The following ARHGAP10 variants were observed in gnomAD, a reference collection of about 807,000 sequenced individuals.
ARHGAP10 encodes Rho GTPase activating protein 10, also known as rho GTPase-activating protein 10.
In ARHGAP10, 87 loss-of-function variants were observed where a neutral mutation model predicts 108.6. That is an observed-to-expected ratio of 0.80 (90% CI 0.67 to 0.96). The LOEUF is 0.96. Among genes scored for constraint, ARHGAP10 ranks in the 40% least tolerant of loss-of-function variants. The pLI, the probability that ARHGAP10 is intolerant of heterozygous loss-of-function variation, is 0.00. For missense variants in ARHGAP10, 939 were observed against 954.5 expected (o/e 0.98, Z 0.21); for synonymous variants, 347 against 341.1 (o/e 1.02, Z -0.19).
At chr4:148,044,400 T>G (rs1728785585) in intron 19 of ARHGAP10, among the ~76,000 whole-genome samples, 2 of 152,164 alleles carry the variant, frequency 1.3e-5, no homozygotes, top group Non-Finnish European at 2.9e-5. Context: ...TGCCATGTCA[T>G]GCCTTGCCCA....
intron 13 of ARHGAP10, among the ~76,000 whole-genome samples, chr4:147,919,440 CTAA>C (rs751822989): frequency 1.9e-4 from 29 of 152,304 alleles, no homozygotes; most frequent in Non-Finnish European, 3.8e-4. Flanking sequence ...CAAATATTTG[CTAA>C]TAATACATAC....
chr4:147,869,420 G>A (rs1282934390), intron 7 of ARHGAP10, among the ~76,000 whole-genome samples: 1 of 152,134 alleles, frequency 6.6e-6, no homozygotes, highest in East Asian at 1.9e-4. Context: ...ATGGGAATGA[G>A]CAATATTCTG....
intron 10 of ARHGAP10, among the ~76,000 whole-genome samples, chr4:147,883,946 T>C (rs7660425): frequency 0.053 from 8,047 of 152,148 alleles, 706 homozygotes; most frequent in African/African-American, 0.18. Context: ...CCACCTGCCT[T>C]GGCCTCCCAA....
chr4:147,751,889 T>G (rs924874813), intron 1 of ARHGAP10, among the ~76,000 whole-genome samples: 1 of 146,880 alleles, frequency 6.8e-6, no homozygotes, highest in African/African-American at 2.7e-5. Flanking sequence ...TTTAGTTTTT[T>G]TTTTTTTTTT....
At chr4:147,766,713 A>G (rs1395667746) in intron 1 of ARHGAP10, among the ~76,000 whole-genome samples, 1 of 145,986 alleles carries the variant, frequency 6.8e-6, no homozygotes, top group Non-Finnish European at 1.5e-5. Context: ...ATCTCAAAAA[A>G]TATATATAAT....
In ARHGAP10 at chr4:148,043,768, A is replaced by G. The variant is rs184666948; in HGVS notation, c.1868-3124A>G. On this transcript the variant is annotated intron_variant, in intron 19 of 22. Transcript: ENST00000336498. ...TATGTATATATGTATATATATGTGT[A>G]TATATATGTATATATATATGTATAT... is the stretch of plus-strand genomic sequence containing the variant. Among the ~76,000 whole-genome samples, 1,030 of 145,344 alleles carry G rather than the reference A, an allele frequency of 7.1e-3. 13 individuals are homozygous for G. The highest frequency in any genetic ancestry group is 0.025 in the African/African-American group (985 of 39,786).
chr4:147,905,217 G>A, intron 10 of ARHGAP10, among the ~76,000 whole-genome samples: 1 of 152,018 alleles, frequency 6.6e-6, no homozygotes, highest in South Asian at 2.1e-4. Flanking sequence ...CTTTTGCTGT[G>A]CAGAAGCTCT....
At chr4:148,070,598 A>G (rs905352163) in intron 22 of ARHGAP10, among the ~76,000 whole-genome samples, 1 of 152,200 alleles carries the variant, frequency 6.6e-6, no homozygotes, top group African/African-American at 2.4e-5. Flanking sequence ...TTTTCTACAC[A>G]AATCTATGGG....
At chr4:147,944,753 T>G (rs1038611643) in intron 14 of ARHGAP10, among the ~76,000 whole-genome samples, 4 of 152,164 alleles carry the variant, frequency 2.6e-5, no homozygotes, top group Non-Finnish European at 5.9e-5. Flanking sequence ...AATAGTCTTT[T>G]CCATGAACCT....
chr4:147,757,654 T>A (rs550906751), intron 1 of ARHGAP10, among the ~76,000 whole-genome samples: 24 of 152,360 alleles, frequency 1.6e-4, no homozygotes, highest in African/African-American at 5.3e-4. Flanking sequence ...GAACATTGGC[T>A]TACTCACGGG....
At chr4:148,046,832 T>G in intron 19 of ARHGAP10, 60 bp from the exon 20 acceptor site, 1 of 1,499,114 alleles carries the variant, frequency 6.7e-7, no homozygotes, top group African/African-American at 1.4e-5. Flanking sequence ...ATATAATTAT[T>G]AGTGGAGTTT....
At chr4:148,038,067 GTTTA>G (rs1728460470) in intron 19 of ARHGAP10, among the ~76,000 whole-genome samples, 1 of 152,080 alleles carries the variant, frequency 6.6e-6, no homozygotes, top group Non-Finnish European at 1.5e-5. Context: ...ACAAATTTTG[GTTTA>G]TTTTAGTTTT....
intron 1 of ARHGAP10, among the ~76,000 whole-genome samples, chr4:147,822,514 G>C (rs115080609): frequency 1.7e-3 from 252 of 152,328 alleles, no homozygotes; most frequent in African/African-American, 4.5e-3. Flanking sequence ...TTCAGCATCT[G>C]TTCTGTGGCA....
At chr4:147,759,781 C>T (rs1445846195) in intron 1 of ARHGAP10, among the ~76,000 whole-genome samples, 1 of 152,104 alleles carries the variant, frequency 6.6e-6, no homozygotes, top group Non-Finnish European at 1.5e-5. Context: ...CAGGGTCTCA[C>T]CCTGTCGCCC....
At chr4:147,918,314 T>G (rs1737077565) in intron 13 of ARHGAP10, among the ~76,000 whole-genome samples, 1 of 151,934 alleles carries the variant, frequency 6.6e-6, no homozygotes, top group African/African-American at 2.4e-5. Flanking sequence ...TTTTTGTATT[T>G]TTAGTAGAGA....
At chr4:147,890,315 G>A (rs1011711829) in intron 10 of ARHGAP10, among the ~76,000 whole-genome samples, 1 of 152,116 alleles carries the variant, frequency 6.6e-6, no homozygotes, top group African/African-American at 2.4e-5. Flanking sequence ...TGGTTAGATG[G>A]ATGTGTGCTT....
intron 1 of ARHGAP10, among the ~76,000 whole-genome samples, chr4:147,758,612 C>T (rs1729470662): frequency 6.6e-6 from 1 of 152,076 alleles, no homozygotes; most frequent in African/African-American, 2.4e-5. Flanking sequence ...CATTCTTTGT[C>T]CCCTGTGCCT....
chr4:147,756,750 C>A (rs187583829), intron 1 of ARHGAP10, among the ~76,000 whole-genome samples: 61 of 152,144 alleles, frequency 4.0e-4, no homozygotes, highest in Admixed American at 7.2e-4. Context: ...ATATATCCTC[C>A]CTGGATAAGG....
Position 147,888,444 on chromosome 4 carries a change from C to T in ARHGAP10, c.1034+6512C>T, listed in dbSNP as rs144063558. Among the ~76,000 whole-genome samples, 890 of 152,226 alleles carry T rather than the reference C, an allele frequency of 5.8e-3. 7 individuals carry two copies. Among genetic ancestry groups the T allele is most frequent in the African/African-American group, 0.021 (861 of 41,528 alleles). ...TTGGGAGTGGGAGTGGGGGTAGTTA[C>T]ATTCCTCTAACATGTTATATAGGTA... On this transcript the variant is annotated intron_variant, in intron 10 of 22. Transcript: ENST00000336498.
Sources: gnomAD v4.1 joint callset for allele counts (sites outside exome capture counted in the v4.1 genomes callset) on GRCh38, gnomAD v4.1.1 for gene constraint, MANE v1.5 for transcripts, NCBI Gene and HGNC (gene_info 2026-07-23, HGNC 2026-07-21) for gene names.